CRHR1: variants seen among roughly 807,000 people sequenced by gnomAD.
CRHR1 encodes the protein corticotropin-releasing hormone receptor 1.
Under a neutral mutation model 56.0 loss-of-function variants are expected in CRHR1, and 28 were observed. That is an observed-to-expected ratio of 0.50 (90% CI 0.37 to 0.69). The LOEUF is 0.69. Among genes scored for constraint, CRHR1 ranks in the 30% least tolerant of loss-of-function variants. CRHR1 has a pLI of 0.00. For missense variants in CRHR1, 376 were observed against 548.0 expected (o/e 0.69, Z 3.13); for synonymous variants, 195 against 216.5 (o/e 0.90, Z 0.87).
chr17:45,803,775 T>TGTGTGCGCGC (rs71138510), intron 1 of CRHR1, among the ~76,000 whole-genome samples: 3 of 150,334 alleles, frequency 2.0e-5, no homozygotes, highest in African/African-American at 7.3e-5. Flanking sequence ...TGTGTGTGTG[T>TGTGTGCGCGC]GCGTGCGCGT....
Position 45,784,497 on chromosome 17 carries a change from T to G in CRHR1, c.-48T>G. On this transcript the variant is annotated 5_prime_UTR_variant, in exon 1 of 13. An upstream start codon of the reference 5' UTR is lost. Transcript: ENST00000314537. This position sits in a 1 kb window ranked among gnomAD's most constrained non-coding sequence, Gnocchi z 4.2. The stretch of plus-strand genomic sequence containing the variant: ...CAGCCGCCCGCCGGTCCCTCTGGGA[T>G]GTCCGTAGGACCCGGGCATTCAGGA... The G allele has an allele frequency of 6.6e-7, 1 of 1,506,108 alleles. No homozygotes were observed. Among genetic ancestry groups the G allele is most frequent in the Non-Finnish European group, 8.9e-7 (1 of 1,124,424 alleles). The allele number at this position is 1,506,108 out of a possible 1,614,324, so 93.3% of individuals were successfully genotyped here. A position where few individuals can be genotyped will look rare whatever the true frequency, so the allele number is the denominator to read the frequency against.
At chr17:45,832,315 G>A (rs1423131298) in intron 8 of CRHR1, among the ~76,000 whole-genome samples, 1 of 152,196 alleles carries the variant, frequency 6.6e-6, no homozygotes, top group Non-Finnish European at 1.5e-5. Context: ...ACCTGGTGGT[G>A]AGAATTCAAC....
rs111592823 is a variant in CRHR1 at position 45,831,622 on chromosome 17, G to A, written c.770+682G>A. Among the ~76,000 whole-genome samples, 227 of 152,332 alleles carry A rather than the reference G, an allele frequency of 1.5e-3. 3 individuals are homozygous for A. The highest frequency in any genetic ancestry group is 5.0e-3 in the African/African-American group (208 of 41,590). On this transcript the variant is annotated intron_variant, in intron 8 of 12. Transcript: ENST00000314537. Reference sequence around the variant, plus strand: ...AGGCTTCACCCTCAGAGAATCAGGCGCAATTGGTCTGGGGTGTGGCCTGGC... The same window carrying A: ...AGGCTTCACCCTCAGAGAATCAGGCACAATTGGTCTGGGGTGTGGCCTGGC...
At chr17:45,806,956 TGCTCATG>T in intron 1 of CRHR1, 47 bp from the exon 2 acceptor site, 1 of 1,527,494 alleles carries the variant, frequency 6.5e-7, no homozygotes, top group Non-Finnish European at 9.0e-7. Context: ...TGGAGCAACA[TGCTCATG>T]GCTCATGGCA....
At chr17:45,812,146 T>C (rs1454960322) in intron 2 of CRHR1, among the ~76,000 whole-genome samples, 1 of 152,222 alleles carries the variant, frequency 6.6e-6, no homozygotes, top group Non-Finnish European at 1.5e-5. Context: ...TAATACCTAC[T>C]ACAATGTAAA....
At chr17:45,831,306 A>C (rs577831476) in intron 8 of CRHR1, among the ~76,000 whole-genome samples, 1 of 152,384 alleles carries the variant, frequency 6.6e-6, no homozygotes, top group East Asian at 1.9e-4. Flanking sequence ...TTGTGGGGTG[A>C]TATGAGTCCA....
At chr17:45,818,808 T>A (rs2061979609) in intron 3 of CRHR1, among the ~76,000 whole-genome samples, 2 of 152,292 alleles carry the variant, frequency 1.3e-5, no homozygotes, top group African/African-American at 4.8e-5. Flanking sequence ...CCTAATGCCC[T>A]CCCTCCTGCT....
At chr17:45,820,751 G>A (rs2062022755) in intron 3 of CRHR1, among the ~76,000 whole-genome samples, 1 of 152,122 alleles carries the variant, frequency 6.6e-6, no homozygotes. Flanking sequence ...GGCCCGCTAT[G>A]GGGAAGTGCC....
intron 8 of CRHR1, 95 bp downstream of exon 8, chr17:45,831,035 C>T (rs2062297534): frequency 1.7e-6 from 2 of 1,164,596 alleles, no homozygotes; most frequent in Middle Eastern, 1.9e-4. Context: ...CTGGCTTTTT[C>T]CCCTCAGGAC....
At chr17:45,832,276 AAAGT>A (rs958214916) in intron 8 of CRHR1, among the ~76,000 whole-genome samples, 9 of 152,150 alleles carry the variant, frequency 5.9e-5, no homozygotes, top group Admixed American at 6.5e-5. Context: ...GCTAAAGGAG[AAAGT>A]GAGTCTGAGC....
At chr17:45,804,547 TG>T (rs1647086811) in intron 1 of CRHR1, among the ~76,000 whole-genome samples, 1 of 150,556 alleles carries the variant, frequency 6.6e-6, no homozygotes, top group Non-Finnish European at 1.5e-5. Context: ...GTGGCCCTGG[TG>T]GGGTGGGGTG....
At chr17:45,822,125 A>G (rs2062055073) in intron 4 of CRHR1, among the ~76,000 whole-genome samples, 1 of 152,198 alleles carries the variant, frequency 6.6e-6, no homozygotes, top group East Asian at 1.9e-4. Flanking sequence ...CATGTTATAC[A>G]CACTGTCTAC....
chr17:45,806,970 G>A, intron 1 of CRHR1, 40 bp from the exon 2 acceptor site: 1 of 1,581,764 alleles, frequency 6.3e-7, no homozygotes, highest in Admixed American at 1.7e-5. Flanking sequence ...CATGGCTCAT[G>A]GCACCTGCCT....
intron 2 of CRHR1, among the ~76,000 whole-genome samples, chr17:45,810,811 GA>G (rs924348582): frequency 3.2e-4 from 48 of 152,344 alleles, no homozygotes; most frequent in African/African-American, 1.2e-3. Context: ...CAGCCAAACA[GA>G]AGGCAGCTCA....
intron 1 of CRHR1, among the ~76,000 whole-genome samples, chr17:45,785,116 G>T (rs1036663554): frequency 2.0e-5 from 3 of 152,224 alleles, no homozygotes; most frequent in Non-Finnish European, 4.4e-5. Flanking sequence ...CAATATCGCA[G>T]TCTCGGGGGA....
intron 1 of CRHR1, among the ~76,000 whole-genome samples, chr17:45,805,231 T>G (rs976369201): frequency 3.3e-5 from 5 of 152,202 alleles, no homozygotes; most frequent in African/African-American, 9.7e-5. Flanking sequence ...TCATCATGGA[T>G]TTTTTGGCGT....
rs567793774 is a variant in CRHR1 at position 45,804,514 on chromosome 17, G to A, written c.34-2496G>A. Among the ~76,000 whole-genome samples the A allele has an allele frequency of 7.2e-5, 11 of 152,256 alleles. No individual in the cohort carries two copies. In the South Asian group the frequency reaches 2.1e-3, roughly 29 times the overall value. The stretch of plus-strand genomic sequence containing the variant: ...CTTCATCATCGGGACAGGACTGGGA[G>A]GGAGTGGGTACCGTGAAAGGGGGTG... On this transcript the variant is annotated intron_variant, in intron 1 of 12. Coordinates refer to ENST00000314537, the MANE Select transcript of CRHR1 (RefSeq NM_004382.5).
intron 2 of CRHR1, among the ~76,000 whole-genome samples, chr17:45,816,006 G>A (rs1327025368): frequency 6.6e-6 from 1 of 152,230 alleles, no homozygotes; most frequent in Non-Finnish European, 1.5e-5. Context: ...CAGGGTAGAT[G>A]TGGTTTGATT....
At chr17:45,792,242 T>C (rs1175852014) in intron 1 of CRHR1, among the ~76,000 whole-genome samples, 1 of 152,192 alleles carries the variant, frequency 6.6e-6, no homozygotes, top group Non-Finnish European at 1.5e-5. Context: ...CGTCCTGGGC[T>C]TGGTCTTGGT....
Sources: gnomAD v4.1 joint callset for allele counts (sites outside exome capture counted in the v4.1 genomes callset) on GRCh38, gnomAD v4.1.1 for gene constraint, Gnocchi (gnomAD v3.1) non-coding constraint, MANE v1.5 for transcripts, NCBI Gene and HGNC (gene_info 2026-07-23, HGNC 2026-07-21) for gene names.